Variants in ASPSCR1 observed in about 807,000 individuals in gnomAD.
The protein encoded by ASPSCR1 is tether containing UBX domain for GLUT4.
In ASPSCR1, 55 loss-of-function variants were observed where a neutral mutation model predicts 68.9. The ratio of observed to expected loss-of-function variants is 0.80; its 90% CI spans 0.64 to 1.00. ASPSCR1 has a LOEUF of 1.00. ASPSCR1 is among the 50% of genes least tolerant of loss of function. The probability of loss-of-function intolerance (pLI) is 0.00; values close to 1 mark genes in which losing one functional copy is unlikely to be tolerated. For synonymous variants in ASPSCR1, 352 were observed against 332.6 expected, an observed-to-expected ratio of 1.06 and a Z score of -0.63; for missense variants, 765 against 762.2, an observed-to-expected ratio of 1.00 and a Z score of -0.04.
chr17:81,994,914 C>T (rs2042286586), intron 5 of ASPSCR1, 36 bp downstream of exon 5: 5 of 1,576,360 alleles, frequency 3.2e-6, no homozygotes, highest in Non-Finnish European at 4.3e-6. Flanking sequence ...AGTCCCCGCT[C>T]ACTTTCAGCC....
chr17:82,015,237 A>G, intron 12 of ASPSCR1: 1 of 1,598,266 alleles, frequency 6.3e-7, no homozygotes, highest in Non-Finnish European at 8.5e-7. Context: ...AGCCTCTCCA[A>G]GCACTGGTCA....
At chr17:82,010,903 G>T (rs757628185) in intron 10 of ASPSCR1, 35 bp downstream of exon 10, 42 of 1,603,288 alleles carry the variant, frequency 2.6e-5, no homozygotes, top group Non-Finnish European at 2.1e-5. Context: ...GGGATGGGGG[G>T]CAGGGGCCCA....
intron 9 of ASPSCR1, among the ~76,000 whole-genome samples, chr17:82,010,528 C>CAA (rs1193895939): frequency 0.013 from 741 of 56,908 alleles, 7 homozygotes; most frequent in African/African-American, 0.049. Flanking sequence ...GACTCCATCT[C>CAA]AAAAAAAAAA....
chr17:82,012,221 C>T lies in ASPSCR1; in HGVS notation c.1301-10C>T, dbSNP rs1427564766. On this transcript the variant is annotated splice_polypyrimidine_tract_variant and intron_variant, in intron 11 of 15. Coordinates refer to ENST00000306739, the MANE Select transcript of ASPSCR1 (RefSeq NM_024083.4). ...GTGCTTCCTAACACGTAGGTGCCTTCTCTCCTCAGTCATCACCCCTCCAAA... is the reference window on the plus strand; with the variant it reads ...GTGCTTCCTAACACGTAGGTGCCTTTTCTCCTCAGTCATCACCCCTCCAAA... 2 of 1,613,262 alleles carry T rather than the reference C, an allele frequency of 1.2e-6. No homozygotes were observed. The highest frequency in any genetic ancestry group is 2.7e-5 in the African/African-American group (2 of 74,906).
Position 81,985,538 on chromosome 17 carries a change from C to G in ASPSCR1, c.305C>G (p.Ser102Trp), listed in dbSNP as rs549752566. ...VRIALQLDDG[S>W]RLQDSFCSGQ... ...ATCGCTTTGCAGCTGGACGATGGCT[C>G]GAGGTTGCAGGACTCTTTCTGTTCA... is the stretch of plus-strand genomic sequence containing the variant. Residue 102 changes from serine to tryptophan, a missense_variant, in exon 4 of 16, where the codon TCG becomes TGG. Ser to Trp is a radical substitution (Grantham distance 177). Transcript: ENST00000306739. 2.5e-6 allele frequency: 4 copies of G among 1,614,050 alleles called. No homozygotes were observed. The highest frequency in any genetic ancestry group is 2.2e-5 in the East Asian group (1 of 44,890).
chr17:81,991,915 G>A (rs184940676), intron 4 of ASPSCR1, among the ~76,000 whole-genome samples: 1 of 152,256 alleles, frequency 6.6e-6, no homozygotes, highest in Non-Finnish European at 1.5e-5. Flanking sequence ...GCACACAGCC[G>A]CGCCTTGCCG....
chr17:82,016,448 GC>G, intron 12 of ASPSCR1, 27 bp from the exon 13 acceptor site: 1 of 1,543,226 alleles, frequency 6.5e-7, no homozygotes, highest in South Asian at 1.2e-5. Context: ...CCCACACCCG[GC>G]CCCTGAGCCC....
At chr17:82,015,278 C>G in intron 12 of ASPSCR1, 1 of 1,598,278 alleles carries the variant, frequency 6.3e-7, no homozygotes, top group Non-Finnish European at 8.5e-7. Context: ...GCCGACCCTC[C>G]TCTCCACCAT....
intron 9 of ASPSCR1, among the ~76,000 whole-genome samples, 165 bp downstream of exon 9, chr17:82,009,732 CT>C (rs2042853543): frequency 6.6e-6 from 1 of 151,330 alleles, no homozygotes; most frequent in Non-Finnish European, 1.5e-5. Flanking sequence ...AGCGGGCCCC[CT>C]GTGAGGTCTG....
intron 7 of ASPSCR1, 149 bp from the exon 8 acceptor site, chr17:82,008,888 C>T: frequency 8.7e-7 from 1 of 1,149,384 alleles, no homozygotes; most frequent in Non-Finnish European, 1.2e-6. Context: ...CCCCCAGGAC[C>T]TGGCCTTGGC....
In ASPSCR1 at chr17:81,987,804, A is replaced by C. The variant is rs534521654; in HGVS notation, c.374+2197A>C. Among the ~76,000 whole-genome samples the C allele has an allele frequency of 6.6e-6, 1 of 151,908 alleles. No homozygotes were observed. Among genetic ancestry groups the C allele is most frequent in the Non-Finnish European group, 1.5e-5 (1 of 67,974 alleles). ...GGAGGTTGCAGTGAGCCGAGATCGC[A>C]CCATTGCACTCTAGCCTGGGTGACA... On this transcript the variant is annotated intron_variant, in intron 4 of 15. Coordinates refer to ENST00000306739, the MANE Select transcript of ASPSCR1 (RefSeq NM_024083.4). The surrounding 1 kb of genome is among the most constrained non-coding windows in gnomAD (Gnocchi z 5.6).
chr17:81,986,377 C>T lies in ASPSCR1; in HGVS notation c.374+770C>T, dbSNP rs9904501. On this transcript the variant is annotated intron_variant, in intron 4 of 15. Transcript: ENST00000306739. The surrounding 1 kb of genome is among the most constrained non-coding windows in gnomAD (Gnocchi z 5.2). The stretch of plus-strand genomic sequence containing the variant: ...AGCCGTGGAGGCAGTTGCAGTGAGC[C>T]GAGATCGCACTGCTGCACTCCAGCC... Among the ~76,000 whole-genome samples the T allele has an allele frequency of 0.081, 12,351 of 152,046 alleles. 922 individuals are homozygous for T. The highest frequency in any genetic ancestry group is 0.2 in the African/African-American group (8,308 of 41,424).
At position 82,010,859 on chromosome 17, in the gene ASPSCR1, A is replaced by G. The variant is rs949756841; in HGVS notation, c.1228A>G (p.Ser410Gly). 9 of 1,612,482 alleles carry G rather than the reference A, an allele frequency of 5.6e-6. No individual in the cohort carries two copies. Among genetic ancestry groups the G allele is most frequent in the Non-Finnish European group, 7.6e-6 (9 of 1,179,910 alleles). The change falls in exon 10 of 16, where the codon AGC becomes GGC. Residue 410 changes from serine (S) to glycine (G), a missense_variant. Ser to Gly is a moderately conservative substitution (Grantham distance 56, BLOSUM62 0). Transcript: ENST00000306739. ...CGTCCTACAGGGCTTCTTCCGCCCC[A>G]GCGAGACAGGTGGGCAGCGCTGTGG... Reference protein sequence around the residue: ...RYVLQGFFRPSETVGDLRDFV... With the variant: ...RYVLQGFFRPGETVGDLRDFV...
At chr17:82,006,729 C>A (rs547094031) in intron 7 of ASPSCR1, 1 of 152,308 alleles carries the variant, frequency 6.6e-6, no homozygotes, top group Non-Finnish European at 1.5e-5. Context: ...CCCTCGCTGT[C>A]GCTTTTTTCC....
chr17:81,985,639 A>G (rs747285149), intron 4 of ASPSCR1, 32 bp downstream of exon 4: 6 of 1,591,804 alleles, frequency 3.8e-6, no homozygotes, highest in Admixed American at 1.7e-5. Flanking sequence ...GCTCTTCCCT[A>G]CCCTGTTTGC....
Position 81,983,466 on chromosome 17 carries a change from T to TGGATGGTGGGACGG in ASPSCR1, c.159-81_159-68dup. On this transcript the variant is annotated intron_variant, in intron 2 of 15. Coordinates refer to ENST00000306739, the MANE Select transcript of ASPSCR1 (RefSeq NM_024083.4). The surrounding 1 kb of genome is among the most constrained non-coding windows in gnomAD (Gnocchi z 4.4). ...ATGGCGGGGCGTGGATGGCGGGGCGTGGATGGTGGGACGGGGATGGCGGGG... is the reference window on the plus strand; with the variant it reads ...ATGGCGGGGCGTGGATGGCGGGGCGTGGATGGTGGGACGGGGATGGTGGGACGGGGATGGCGGGG... 1.0e-6 allele frequency: 1 copy of TGGATGGTGGGACGG among 973,068 alleles called. No individual in the cohort carries two copies. Among genetic ancestry groups the TGGATGGTGGGACGG allele is most frequent in the Non-Finnish European group, 1.4e-6 (1 of 690,948 alleles). 60.3% of individuals were successfully genotyped at this position (973,068 alleles called of 1,614,324 possible). A position where few individuals can be genotyped will look rare whatever the true frequency, so the allele number is the denominator to read the frequency against.
intron 8 of ASPSCR1, 135 bp from the exon 9 acceptor site, chr17:82,009,351 G>A: frequency 7.4e-7 from 1 of 1,358,074 alleles, no homozygotes; most frequent in South Asian, 1.5e-5. Context: ...CCAGGGAGGG[G>A]CGTCCAGACC....
chr17:82,017,275 G>C (rs1437743852), intron 15 of ASPSCR1, 34 bp from the exon 16 acceptor site: 2 of 1,610,126 alleles, frequency 1.2e-6, no homozygotes, highest in South Asian at 2.2e-5. Flanking sequence ...GAGAGCCCGG[G>C]GTGTGTGGTC....
In ASPSCR1 at chr17:81,996,011, T is replaced by TGC; in HGVS notation, c.454_455dup (p.Thr154AlafsTer9). ...CTGCAGGTGACGGGTGAAGCTGCCC[T>TGC]GCGGGGCACGACGCTGCAGTCGCTG... On this transcript the variant is annotated frameshift_variant, in exon 6 of 16. Transcript: ENST00000306739. LOFTEE classifies it high-confidence loss of function. The TGC allele has an allele frequency of 1.2e-6, 2 of 1,610,238 alleles. No individual in the cohort carries two copies. Among genetic ancestry groups the TGC allele is most frequent in the Non-Finnish European group, 1.7e-6 (2 of 1,179,182 alleles).
Sources: gnomAD v4.1 joint callset for allele counts (sites outside exome capture counted in the v4.1 genomes callset) on GRCh38, gnomAD v4.1.1 for gene constraint, Gnocchi (gnomAD v3.1) non-coding constraint, MANE v1.5 for transcripts, NCBI Gene and HGNC (gene_info 2026-07-23, HGNC 2026-07-21) for gene names.